Variants in CSMD1 observed in about 807,000 individuals in gnomAD.
The protein encoded by CSMD1 is CUB and Sushi multiple domains 1.
Under a neutral mutation model 417.5 loss-of-function variants are expected in CSMD1, and 213 were observed. The ratio of observed to expected loss-of-function variants is 0.51; its 90% CI spans 0.46 to 0.57. The LOEUF (loss-of-function observed/expected upper bound fraction) is 0.57, where lower values mean the gene tolerates loss of function less well. Ranked by LOEUF, CSMD1 falls within the 20% of genes least tolerant of loss-of-function variation. The probability of loss-of-function intolerance (pLI) is 0.00; values close to 1 mark genes in which losing one functional copy is unlikely to be tolerated. For synonymous variants in CSMD1, 2,862 were observed against 1,736.8 expected, an observed-to-expected ratio of 1.65 and a Z score of -16.11; for missense variants, 6,923 against 4,529.7, an observed-to-expected ratio of 1.53 and a Z score of -15.17.
At chr8:4,726,902 G>GA (rs1416425741) in intron 1 of CSMD1, among the ~76,000 whole-genome samples, 3 of 152,030 alleles carry the variant, frequency 2.0e-5, no homozygotes, top group Non-Finnish European at 4.4e-5. Context: ...ATGAAGAGCT[G>GA]AAAAAATAGC....
At chr8:4,205,249 A>G (rs560231300) in intron 3 of CSMD1, among the ~76,000 whole-genome samples, 4 of 152,338 alleles carry the variant, frequency 2.6e-5, no homozygotes, top group South Asian at 4.1e-4. Context: ...CACCTACATT[A>G]TATCATATTT....
intron 3 of CSMD1, among the ~76,000 whole-genome samples, chr8:4,136,170 T>A (rs1337040714): frequency 6.6e-6 from 1 of 152,150 alleles, no homozygotes; most frequent in Admixed American, 6.6e-5. Flanking sequence ...TTAGAAAAGA[T>A]ACGATATACA....
At chr8:3,838,533 T>C (rs917537748) in intron 5 of CSMD1, among the ~76,000 whole-genome samples, 2 of 132,056 alleles carry the variant, frequency 1.5e-5, no homozygotes, top group Admixed American at 1.5e-4. Context: ...CCTATATATA[T>C]AGTCTATATA....
At chr8:3,850,624 G>T (rs1233117281) in intron 5 of CSMD1, among the ~76,000 whole-genome samples, 1 of 152,164 alleles carries the variant, frequency 6.6e-6, no homozygotes, top group East Asian at 1.9e-4. Context: ...GAACCTGGGG[G>T]GCGGAGGTTG....
At chr8:4,044,524 G>C (rs749074231) in intron 3 of CSMD1, among the ~76,000 whole-genome samples, 1 of 152,172 alleles carries the variant, frequency 6.6e-6, no homozygotes, top group African/African-American at 2.4e-5. Flanking sequence ...CAGTCAGGAG[G>C]AGCAGGACAC....
intron 53 of CSMD1, among the ~76,000 whole-genome samples, chr8:2,999,177 TAG>T (rs1807174929): frequency 7.4e-6 from 1 of 134,838 alleles, no homozygotes; most frequent in Non-Finnish European, 1.6e-5. Flanking sequence ...TTTTTTGAGA[TAG>T]AGTCTTGGTC....
chr8:4,291,644 A>G (rs1448072725), intron 3 of CSMD1, among the ~76,000 whole-genome samples: 1 of 152,192 alleles, frequency 6.6e-6, no homozygotes, highest in East Asian at 1.9e-4. Flanking sequence ...TTATAGCCGC[A>G]ATATGGAGAA....
chr8:3,199,955 A>T, intron 32 of CSMD1, 146 bp from the exon 33 acceptor site: 1 of 585,062 alleles, frequency 1.7e-6, no homozygotes, highest in African/African-American at 1.9e-5. Flanking sequence ...AAACTCAAAT[A>T]TGTTGTTTTT....
chr8:3,519,563 C>T (rs944279184), intron 10 of CSMD1, among the ~76,000 whole-genome samples: 1 of 152,084 alleles, frequency 6.6e-6, no homozygotes, highest in African/African-American at 2.4e-5. Flanking sequence ...CCATGAGGAC[C>T]AATGAGTACC....
intron 3 of CSMD1, among the ~76,000 whole-genome samples, chr8:4,414,436 T>A (rs1796816300): frequency 6.6e-6 from 1 of 152,186 alleles, no homozygotes; most frequent in Non-Finnish European, 1.5e-5. Flanking sequence ...TTCAATGGAT[T>A]AATAAATACT....
chr8:4,061,090 T>C (rs1013876534), intron 3 of CSMD1, among the ~76,000 whole-genome samples: 2 of 152,148 alleles, frequency 1.3e-5, no homozygotes, highest in Admixed American at 6.5e-5. Flanking sequence ...TGTATTATTT[T>C]TGTTGATATC....
intron 5 of CSMD1, among the ~76,000 whole-genome samples, chr8:3,857,792 A>T (rs998140633): frequency 6.6e-6 from 1 of 152,232 alleles, no homozygotes; most frequent in Non-Finnish European, 1.5e-5. Flanking sequence ...GGGGAAAAGG[A>T]TACAACACCA....
intron 3 of CSMD1, among the ~76,000 whole-genome samples, chr8:4,246,349 G>A (rs936046528): frequency 2.0e-5 from 3 of 152,264 alleles, no homozygotes; most frequent in Non-Finnish European, 4.4e-5. Flanking sequence ...CAAAGGACAC[G>A]GTCAGTCCTT....
chr8:3,591,435 G>C (rs1003552015), intron 8 of CSMD1, among the ~76,000 whole-genome samples: 1 of 152,074 alleles, frequency 6.6e-6, no homozygotes, highest in Non-Finnish European at 1.5e-5. Context: ...TCTAAATATG[G>C]TTCTCATAGA....
At chr8:4,069,245 T>C (rs896135331) in intron 3 of CSMD1, among the ~76,000 whole-genome samples, 1 of 152,118 alleles carries the variant, frequency 6.6e-6, no homozygotes, top group Admixed American at 6.5e-5. Flanking sequence ...AAATCAAAAA[T>C]TTTGGTAAAG....
intron 2 of CSMD1, among the ~76,000 whole-genome samples, chr8:4,443,551 C>A (rs1798607731): frequency 6.6e-6 from 1 of 152,134 alleles, no homozygotes; most frequent in Admixed American, 6.5e-5. Flanking sequence ...GATATGTCAG[C>A]CACGTGTGGC....
At chr8:3,668,118 C>T (rs778273815) in intron 7 of CSMD1, among the ~76,000 whole-genome samples, 3 of 152,052 alleles carry the variant, frequency 2.0e-5, no homozygotes, top group Non-Finnish European at 4.4e-5. Flanking sequence ...GGGGAGAGAG[C>T]GTTGAACACA....
At chr8:4,039,206 G>T (rs925184739) in intron 3 of CSMD1, among the ~76,000 whole-genome samples, 5 of 152,100 alleles carry the variant, frequency 3.3e-5, no homozygotes, top group Non-Finnish European at 7.4e-5. Context: ...GTCCCTTAGG[G>T]TTTCTCTCCA....
chr8:3,303,980 C>G (rs1289494613), intron 25 of CSMD1, among the ~76,000 whole-genome samples: 1 of 151,562 alleles, frequency 6.6e-6, no homozygotes, highest in African/African-American at 2.4e-5. Context: ...TATTCGATTA[C>G]CTCAAACAAA....
Sources: allele counts gnomAD v4.1 joint callset (sites outside exome capture counted in the v4.1 genomes callset), GRCh38; gene constraint gnomAD v4.1.1; transcripts MANE v1.5; gene names NCBI Gene and HGNC (gene_info 2026-07-23, HGNC 2026-07-21).